CKAP5: variants seen among roughly 807,000 people sequenced by gnomAD.
The protein encoded by CKAP5 is cytoskeleton associated protein 5, also known as cytoskeleton-associated protein 5.
A neutral mutation model predicts 232.8 loss-of-function variants in CKAP5; 27 were observed. The observed-to-expected ratio is 0.12, with a 90% CI of 0.09 to 0.16. CKAP5 has a LOEUF of 0.16. Among genes scored for constraint, CKAP5 ranks in the 10% least tolerant of loss-of-function variants. The probability of loss-of-function intolerance (pLI) is 1.00; values close to 1 mark genes in which losing one functional copy is unlikely to be tolerated. For missense variants in CKAP5, 1,838 were observed against 2,424.7 expected (o/e 0.76, Z 5.08); for synonymous variants, 785 against 841.1 (o/e 0.93, Z 1.16).
chr11:46,745,362 A>G (rs2065014728), intron 42 of CKAP5, among the ~76,000 whole-genome samples: 1 of 152,210 alleles, frequency 6.6e-6, no homozygotes, highest in Non-Finnish European at 1.5e-5. Flanking sequence ...GAATCCTCTG[A>G]GGGGGTGAAA....
Position 46,816,108 on chromosome 11 carries a change from T to C in CKAP5, c.458+90A>G, listed in dbSNP as rs534590775. ...ATCCCCCCAACACACAATTCTTCCA[T>C]GGAAAAATTGTCTTCCATGAAACTG... On this transcript the variant is annotated intron_variant, in intron 4 of 43. Transcript: ENST00000529230. The C allele has an allele frequency of 7.9e-5, 81 of 1,028,836 alleles. 2 individuals carry two copies. The South Asian group carries it at 1.1e-3, about 14-fold the overall frequency. The allele number at this position is 1,028,836 out of a possible 1,614,324, so 63.7% of individuals were successfully genotyped here.
At chr11:46,774,218 T>A (rs1192179220) in intron 24 of CKAP5, among the ~76,000 whole-genome samples, 1 of 152,158 alleles carries the variant, frequency 6.6e-6, no homozygotes, top group Non-Finnish European at 1.5e-5. Context: ...AGCATTCCTA[T>A]ACACCAATAA....
chr11:46,818,381 G>A lies in CKAP5; in HGVS notation c.180C>T (p.Ser60=). 1.2e-6 allele frequency: 2 copies of A among 1,612,190 alleles called. No homozygotes were observed. The highest frequency in any genetic ancestry group is 1.7e-6 in the Non-Finnish European group (2 of 1,179,234). Residue 60 remains serine (S), a synonymous_variant, in exon 3 of 44, where the codon TCC becomes TCT. Transcript: ENST00000529230. The stretch of plus-strand genomic sequence containing the variant: ...ATCCTTTCAATTGAACCACTGCATT[G>A]GAATCAGTGACAAATTTTTTGATCA... The part of the protein sequence containing the change: ...LGLIKKFVTD[S]NAVVQLKGLE...
rs111303622 is a variant in CKAP5, at chr11:46,763,015, C to T, written c.3852G>A (p.Glu1284=). 4 of 1,613,932 alleles carry T rather than the reference C, an allele frequency of 2.5e-6. No homozygotes were observed. In the African/African-American group the frequency reaches 4.0e-5, roughly 16 times the overall value. Residue 1284 remains glutamate (E), a synonymous_variant, in exon 30 of 44, where the codon GAG becomes GAA. Coordinates refer to ENST00000529230, the MANE Select transcript of CKAP5 (RefSeq NM_001008938.4). ...LLSEEEYHLT[E]NEASSFIPYL... is the part of the protein sequence containing the mutation. ...AGGGGATGAAGGAAGATGCTTCATT[C>T]TCAGTAAGATGATATTCTTCTTCAC...
chr11:46,755,341 G>C (rs556887756), intron 35 of CKAP5, among the ~76,000 whole-genome samples: 1 of 152,130 alleles, frequency 6.6e-6, no homozygotes, highest in Non-Finnish European at 1.5e-5. Context: ...AGCCTCCTAA[G>C]TAGCTAGGAT....
rs926683017 is a variant in CKAP5, at chr11:46,748,913, C to G, written c.5704+1361G>C. 2.0e-5 allele frequency among the ~76,000 whole-genome samples: 3 copies of G among 151,618 alleles called. No homozygotes were observed. In the South Asian group the frequency reaches 6.2e-4, roughly 32 times the overall value. ...GTGATGCGATCTCGGCCCAGTGCAA[C>G]CTCCGCCTCCTGGGTTCAAGTGATT... is the stretch of plus-strand genomic sequence containing the variant. On this transcript the variant is annotated intron_variant, in intron 42 of 43. Coordinates refer to ENST00000529230, the MANE Select transcript of CKAP5 (RefSeq NM_001008938.4).
At chr11:46,769,294 T>A (rs1162768212) in intron 26 of CKAP5, among the ~76,000 whole-genome samples, 1 of 152,204 alleles carries the variant, frequency 6.6e-6, no homozygotes, top group African/African-American at 2.4e-5. Context: ...TGGATTAAGC[T>A]AGATTCTCCC....
chr11:46,836,906 A>G (rs374615287), intron 1 of CKAP5, among the ~76,000 whole-genome samples: 1 of 152,184 alleles, frequency 6.6e-6, no homozygotes, highest in Non-Finnish European at 1.5e-5. Context: ...AATGTATGCA[A>G]ATTTTAAAAA....
At chr11:46,760,419 A>C (rs1450630328) in intron 33 of CKAP5, 193 bp downstream of exon 33, 1 of 691,558 alleles carries the variant, frequency 1.4e-6, no homozygotes, top group Admixed American at 2.2e-5. Flanking sequence ...GACCATTTAG[A>C]AGTGGTTTTG....
At chr11:46,784,004 C>A (rs1438811616) in intron 17 of CKAP5, among the ~76,000 whole-genome samples, 3 of 151,136 alleles carry the variant, frequency 2.0e-5, no homozygotes, top group African/African-American at 4.9e-5. Context: ...CTGTGTCTGA[C>A]CGAATATTTT....
chr11:46,777,346 C>T lies in CKAP5; in HGVS notation c.2862+93G>A, dbSNP rs2065299653. ...TTCATCTTTATAAAGTTTATCAGGT[C>T]TTTACATGACTCTAAAAAGAGAATT... is the stretch of plus-strand genomic sequence containing the variant. On this transcript the variant is annotated intron_variant, in intron 23 of 43. Transcript: ENST00000529230. 1.1e-5 allele frequency: 8 copies of T among 712,988 alleles called. No individual in the cohort carries two copies. In the South Asian group the frequency reaches 1.3e-4, roughly 11 times the overall value. 44.2% of individuals were successfully genotyped at this position (712,988 alleles called of 1,614,324 possible).
intron 1 of CKAP5, among the ~76,000 whole-genome samples, chr11:46,829,201 C>A (rs549999344): frequency 6.6e-6 from 1 of 152,320 alleles, no homozygotes; most frequent in African/African-American, 2.4e-5. Flanking sequence ...CTGCCCCTGT[C>A]ACCCTTAAGA....
In CKAP5 at chr11:46,751,166, C is replaced by T; in HGVS notation, c.5412G>A (p.Gln1804=). Residue 1804 remains glutamine, a synonymous_variant, in exon 40 of 44, where the codon CAG becomes CAA. Coordinates refer to ENST00000529230, the MANE Select transcript of CKAP5 (RefSeq NM_001008938.4). ...TTTCCTTATCAGACTTGCTCCCAGT[C>T]TGGTCCATACTGTGCTTCATCATCC... The part of the protein sequence containing the change: ...LCRMMKHSMD[Q]TGSKSDKETE... 7 of 1,614,190 alleles carry T rather than the reference C, an allele frequency of 4.3e-6. No homozygotes were observed. The Middle Eastern group carries it at 1.2e-3, about 266-fold the overall frequency.
chr11:46,788,574 C>CAAA (rs879307241), intron 16 of CKAP5, 107 bp downstream of exon 16: 7 of 584,442 alleles, frequency 1.2e-5, no homozygotes, highest in African/African-American at 6.4e-5. Context: ...AACTCCGTCT[C>CAAA]AAAAAAAAAA....
At chr11:46,781,337 G>A (rs1220719892) in intron 18 of CKAP5, among the ~76,000 whole-genome samples, 1 of 152,146 alleles carries the variant, frequency 6.6e-6, no homozygotes, top group Non-Finnish European at 1.5e-5. Flanking sequence ...TTTCTCGACA[G>A]GATTATTCCA....
At chr11:46,749,508 T>C (rs1277316950) in intron 42 of CKAP5, among the ~76,000 whole-genome samples, 5 of 146,322 alleles carry the variant, frequency 3.4e-5, no homozygotes, top group African/African-American at 5.1e-5. Flanking sequence ...GGAGATATCA[T>C]GTAGGATATA....
At chr11:46,784,345 A>G (rs2065369028) in intron 17 of CKAP5, 143 bp downstream of exon 17, 2 of 675,418 alleles carry the variant, frequency 3.0e-6, no homozygotes, top group Non-Finnish European at 2.5e-6. Context: ...CCTGGGCGAC[A>G]GAGTGAAACT....
chr11:46,769,913 G>A, intron 26 of CKAP5, 50 bp downstream of exon 26: 1 of 1,593,190 alleles, frequency 6.3e-7, no homozygotes, highest in Non-Finnish European at 8.6e-7. Context: ...TCTTTTTAGA[G>A]TTCCTCAGGG....
At chr11:46,845,573 C>T (rs1940166771) in intron 1 of CKAP5, among the ~76,000 whole-genome samples, 1 of 152,184 alleles carries the variant, frequency 6.6e-6, no homozygotes, top group African/African-American at 2.4e-5. Context: ...CTTAAAGTAG[C>T]AAGGCCCAAC....
Sources: allele counts gnomAD v4.1 joint callset (sites outside exome capture counted in the v4.1 genomes callset), GRCh38; gene constraint gnomAD v4.1.1; transcripts MANE v1.5; gene names NCBI Gene and HGNC (gene_info 2026-07-23, HGNC 2026-07-21).